The following WWOX variants were observed in gnomAD, a reference collection of about 807,000 sequenced individuals.
The protein encoded by WWOX is WW domain-containing oxidoreductase.
A neutral mutation model predicts 46.2 loss-of-function variants in WWOX; 69 were observed. That is an observed-to-expected ratio of 1.49 (90% confidence interval 1.23 to 1.82). WWOX has a LOEUF of 1.82. Ranked by LOEUF, WWOX falls within the 40% of genes most tolerant of loss-of-function variation. The pLI is 0.00. For missense variants in WWOX, 919 were observed against 542.6 expected (o/e 1.69, Z -6.89); for synonymous variants, 359 against 202.6 (o/e 1.77, Z -6.56).
intron 8 of WWOX, among the ~76,000 whole-genome samples, chr16:79,122,570 C>G (rs1240050959): frequency 1.3e-5 from 2 of 151,396 alleles, no homozygotes; most frequent in East Asian, 3.9e-4. Flanking sequence ...CTCATTCTTT[C>G]TTTCCCTCTC....
At chr16:78,393,166 C>T (rs2082212656) in intron 6 of WWOX, among the ~76,000 whole-genome samples, 1 of 152,172 alleles carries the variant, frequency 6.6e-6, no homozygotes, top group African/African-American at 2.4e-5. Context: ...GAGCTGGGAC[C>T]CTTTCTAATC....
At chr16:79,038,409 A>T (rs2047908948) in intron 8 of WWOX, among the ~76,000 whole-genome samples, 1 of 152,192 alleles carries the variant, frequency 6.6e-6, no homozygotes, top group Non-Finnish European at 1.5e-5. Flanking sequence ...TATGGAAAAA[A>T]TTACTAAGAT....
At chr16:78,506,780 G>C (rs2085217887) in intron 8 of WWOX, among the ~76,000 whole-genome samples, 1 of 142,562 alleles carries the variant, frequency 7.0e-6, no homozygotes, top group Non-Finnish European at 1.5e-5. Context: ...AACAATCTCT[G>C]TATGCTCCCT....
intron 8 of WWOX, among the ~76,000 whole-genome samples, chr16:78,480,920 G>T (rs540894530): frequency 1.3e-5 from 2 of 152,338 alleles, no homozygotes; most frequent in African/African-American, 4.8e-5. Context: ...TGTGCAAAAA[G>T]ATCAGTGTTT....
intron 8 of WWOX, among the ~76,000 whole-genome samples, chr16:79,210,552 CCT>C (rs1567623252): frequency 2.0e-5 from 3 of 152,170 alleles, no homozygotes; most frequent in Non-Finnish European, 4.4e-5. Context: ...CTTTTCCGGT[CCT>C]CTCTTGCAAC....
At chr16:78,542,194 G>A (rs553964789) in intron 8 of WWOX, among the ~76,000 whole-genome samples, 1 of 152,078 alleles carries the variant, frequency 6.6e-6, no homozygotes, top group Non-Finnish European at 1.5e-5. Context: ...TGTTCATCAG[G>A]TGTATCTCCA....
At chr16:78,600,899 C>T (rs550729416) in intron 8 of WWOX, among the ~76,000 whole-genome samples, 2 of 152,196 alleles carry the variant, frequency 1.3e-5, no homozygotes, top group South Asian at 2.1e-4. Flanking sequence ...CCTGTGTGAC[C>T]CTGTGGCCAT....
chr16:78,511,584 A>G (rs918269871), intron 8 of WWOX, among the ~76,000 whole-genome samples: 40 of 152,086 alleles, frequency 2.6e-4, no homozygotes, highest in African/African-American at 4.8e-4. Context: ...TACATCTCCC[A>G]ATATATTTCT....
rs774389956 is a variant in WWOX at position 78,432,749 on chromosome 16, C to T, written c.1053C>T (p.Ser351=). ...LFTLARPFTK[S]MQQGAATTVY... ...CCTTGGCGAGGCCTTTCACCAAGTCCATGGTAAGAGAACAGCTTCTGGCGC... is the reference window on the plus strand; with the variant it reads ...CCTTGGCGAGGCCTTTCACCAAGTCTATGGTAAGAGAACAGCTTCTGGCGC... Residue 351 remains serine (S), a synonymous_variant, in exon 8 of 9, where the codon TCC becomes TCT. Transcript: ENST00000566780. 5.0e-6 allele frequency: 8 copies of T among 1,614,060 alleles called. No homozygotes were observed. Among genetic ancestry groups the T allele is most frequent in the Non-Finnish European group, 6.8e-6 (8 of 1,180,044 alleles).
chr16:78,450,960 G>A (rs73572886), intron 8 of WWOX, among the ~76,000 whole-genome samples: 1 of 152,142 alleles, frequency 6.6e-6, no homozygotes, highest in South Asian at 2.1e-4. Flanking sequence ...GGAAGGAGCT[G>A]GCATATTTCT....
intron 1 of WWOX, among the ~76,000 whole-genome samples, chr16:78,107,968 C>T (rs1041938564): frequency 3.3e-5 from 5 of 151,858 alleles, no homozygotes; most frequent in South Asian, 2.1e-4. Flanking sequence ...CTTGCTCTGT[C>T]GCCAGGCTGG....
At chr16:79,210,846 G>A (rs1567623696) in intron 8 of WWOX, among the ~76,000 whole-genome samples, 2 of 152,142 alleles carry the variant, frequency 1.3e-5, no homozygotes, top group African/African-American at 2.4e-5. Context: ...TACTCAAAAG[G>A]TGAATGAAAG....
intron 5 of WWOX, among the ~76,000 whole-genome samples, chr16:78,314,970 G>C (rs191784406): frequency 6.6e-6 from 1 of 152,038 alleles, no homozygotes; most frequent in Non-Finnish European, 1.5e-5. Flanking sequence ...AATGTCCTTC[G>C]TAAAAGAAGA....
At chr16:78,205,841 C>T (rs1006416361) in intron 5 of WWOX, among the ~76,000 whole-genome samples, 1 of 151,480 alleles carries the variant, frequency 6.6e-6, no homozygotes, top group East Asian at 1.9e-4. Flanking sequence ...TCCTTCCTTC[C>T]TTCCGTCCTT....
At chr16:78,414,561 T>C (rs537226827) in intron 6 of WWOX, among the ~76,000 whole-genome samples, 1 of 152,094 alleles carries the variant, frequency 6.6e-6, no homozygotes. Context: ...AGTGAAACTG[T>C]CTTAAAACAA....
At chr16:78,558,495 G>T (rs57574943) in intron 8 of WWOX, among the ~76,000 whole-genome samples, 2 of 152,258 alleles carry the variant, frequency 1.3e-5, no homozygotes, top group African/African-American at 4.8e-5. Flanking sequence ...GACTTGAGCA[G>T]CGGCTGCCCC....
rs148286451 is a variant in WWOX at position 78,743,408 on chromosome 16, G to T, written c.1056+310656G>T. ...TCTGCTTCATGCTGTATTTTGTACTGTGTCCTGAGATGATGAGGATTCGGT... is the reference window on the plus strand; with the variant it reads ...TCTGCTTCATGCTGTATTTTGTACTTTGTCCTGAGATGATGAGGATTCGGT... On this transcript the variant is annotated intron_variant, in intron 8 of 8. Transcript: ENST00000566780. Among the ~76,000 whole-genome samples, 250 of 152,200 alleles carry T rather than the reference G, an allele frequency of 1.6e-3. 1 individual carries two copies. The highest frequency in any genetic ancestry group is 5.9e-3 in the African/African-American group (243 of 41,530).
chr16:78,807,038 A>G (rs930333009), intron 8 of WWOX, among the ~76,000 whole-genome samples: 1 of 152,184 alleles, frequency 6.6e-6, no homozygotes, highest in Non-Finnish European at 1.5e-5. Context: ...TGTGCTGAGG[A>G]TTATGCAAAT....
intron 8 of WWOX, among the ~76,000 whole-genome samples, chr16:79,091,231 C>G (rs987582462): frequency 1.3e-5 from 2 of 151,932 alleles, no homozygotes; most frequent in Non-Finnish European, 2.9e-5. Context: ...ATGTGAACAA[C>G]AAAAGCAAAA....
Sources: allele counts gnomAD v4.1 joint callset (sites outside exome capture counted in the v4.1 genomes callset), GRCh38; gene constraint gnomAD v4.1.1; transcripts MANE v1.5; gene names NCBI Gene and HGNC (gene_info 2026-07-23, HGNC 2026-07-21).